The following KDM2A variants were observed in gnomAD, a reference collection of about 807,000 sequenced individuals.
KDM2A encodes lysine-specific demethylase 2A.
A neutral mutation model predicts 137.3 loss-of-function variants in KDM2A; 3 were observed. The observed-to-expected ratio is 0.02, with a 90% confidence interval of 0.01 to 0.06. The LOEUF is 0.06. Among genes scored for constraint, KDM2A ranks in the 10% least tolerant of loss-of-function variants. The probability of loss-of-function intolerance (pLI) is 1.00; values close to 1 mark genes in which losing one functional copy is unlikely to be tolerated. For missense variants in KDM2A, 738 were observed against 1,510.6 expected, an observed-to-expected ratio of 0.49 and a Z score of 8.48; for synonymous variants, 512 against 541.5, an observed-to-expected ratio of 0.95 and a Z score of 0.76.
Position 67,215,339 on chromosome 11 carries a change from G to T in KDM2A, c.487-1G>T. ...CAAGTGTTTCCTCCTTCTATTTAAA[G>T]GTGGATTTCATTGACTGGGTAGACA... On this transcript the variant is annotated splice_acceptor_variant, in intron 6 of 20. Transcript: ENST00000529006. LOFTEE classifies it high-confidence loss of function. 1 of 1,607,504 alleles carries T rather than the reference G, an allele frequency of 6.2e-7. No homozygotes were observed. Among genetic ancestry groups the T allele is most frequent in the Non-Finnish European group, 8.5e-7 (1 of 1,174,592 alleles).
In KDM2A at chr11:67,206,936, C is replaced by CT. The variant is rs1857822680; in HGVS notation, c.308-571dup. On this transcript the variant is annotated intron_variant, in intron 5 of 20. Transcript: ENST00000529006. ...ATTTGTGGAATAAATGAAAAGGGGA[C>CT]TTTGTTCTTCATGAACTAGGATAAT... Among the ~76,000 whole-genome samples, 3 of 152,250 alleles carry CT rather than the reference C, an allele frequency of 2.0e-5. No homozygotes were observed. The East Asian group carries it at 5.8e-4, about 29-fold the overall frequency.
chr11:67,219,602 T>C, intron 10 of KDM2A, 199 bp downstream of exon 10: 1 of 313,210 alleles, frequency 3.2e-6, no homozygotes, highest in Non-Finnish European at 6.0e-6. Flanking sequence ...TTTTCCAGGC[T>C]AGAGTGCAGT....
chr11:67,122,820 C>T (rs1301457625), intron 2 of KDM2A, among the ~76,000 whole-genome samples: 12 of 151,842 alleles, frequency 7.9e-5, no homozygotes, highest in African/African-American at 2.9e-4. Flanking sequence ...GGACTATCGG[C>T]GCCCACCACT....
intron 6 of KDM2A, among the ~76,000 whole-genome samples, chr11:67,210,913 G>A (rs1857957952): frequency 4.6e-5 from 7 of 152,046 alleles, no homozygotes; most frequent in Admixed American, 4.6e-4. Flanking sequence ...AGGCCAAGGT[G>A]GGCGTATCAC....
At chr11:67,197,084 A>G (rs1857501410) in intron 5 of KDM2A, 1 of 152,398 alleles carries the variant, frequency 6.6e-6, no homozygotes, top group Non-Finnish European at 1.5e-5. Context: ...GTATTTTCTA[A>G]ATAAACCCAA....
intron 6 of KDM2A, 31 bp downstream of exon 6, chr11:67,207,719 T>C: frequency 6.5e-7 from 1 of 1,534,322 alleles, no homozygotes; most frequent in Non-Finnish European, 8.9e-7. Context: ...CATATTGTCA[T>C]TGTCACCAAA....
intron 6 of KDM2A, among the ~76,000 whole-genome samples, chr11:67,208,205 TAAATTTTAAAATTTTAAAATTTATTA>T (rs1857870595): frequency 6.6e-6 from 1 of 151,560 alleles, no homozygotes; most frequent in Non-Finnish European, 1.5e-5. Context: ...GAAATCATAA[TAAATTTTAAAATTTTAAAATTTATTA>T]TTATTAAAAA....
Position 67,243,099 on chromosome 11 carries a change from A to G in KDM2A, c.1563+7A>G. ...GTGGCCAAAAAGGGATAAGGTAAGAAACTATTTTCCTTGATCTTTAGGCTG... is the reference window on the plus strand; with the variant it reads ...GTGGCCAAAAAGGGATAAGGTAAGAGACTATTTTCCTTGATCTTTAGGCTG... On this transcript the variant is annotated splice_region_variant and intron_variant, in intron 13 of 20. Transcript: ENST00000529006. 6.2e-7 allele frequency: 1 copy of G among 1,601,658 alleles called. No individual in the cohort carries two copies. The highest frequency in any genetic ancestry group is 1.1e-5 in the South Asian group (1 of 90,816).
At chr11:67,215,774 T>C (rs572927461) in intron 7 of KDM2A, 82 bp from the exon 8 acceptor site, 1 of 979,374 alleles carries the variant, frequency 1.0e-6, no homozygotes, top group South Asian at 1.3e-5. Flanking sequence ...AGGGAGTATA[T>C]AAGAGGAGAG....
intron 15 of KDM2A, among the ~76,000 whole-genome samples, chr11:67,247,029 A>G (rs1440464026): frequency 3.3e-4 from 33 of 100,510 alleles, no homozygotes; most frequent in Non-Finnish European, 5.7e-4. Flanking sequence ...TTAATGTTAT[A>G]AATTATTTTA....
At chr11:67,252,926 T>A in intron 18 of KDM2A, 69 bp downstream of exon 18, 1 of 1,502,544 alleles carries the variant, frequency 6.7e-7, no homozygotes, top group Non-Finnish European at 9.0e-7. Context: ...GTTGCATTAT[T>A]GGCAGTGCTT....
In KDM2A at chr11:67,181,903, A is replaced by G; in HGVS notation, c.307+11A>G. On this transcript the variant is annotated intron_variant, in intron 5 of 20. Coordinates refer to ENST00000529006, the MANE Select transcript of KDM2A (RefSeq NM_012308.3). ...TCAAAATGTGTGTGGGTAAGTGTCGAGCTTTTGGCCTCTGTCTTTAAGGCA... is the reference window on the plus strand; with the variant it reads ...TCAAAATGTGTGTGGGTAAGTGTCGGGCTTTTGGCCTCTGTCTTTAAGGCA... 1.2e-6 allele frequency: 2 copies of G among 1,613,358 alleles called. No individual in the cohort carries two copies. Among genetic ancestry groups the G allele is most frequent in the South Asian group, 2.2e-5 (2 of 91,070 alleles).
intron 12 of KDM2A, among the ~76,000 whole-genome samples, chr11:67,237,260 G>A (rs1858898670): frequency 6.6e-6 from 1 of 152,028 alleles, no homozygotes; most frequent in Admixed American, 6.6e-5. Flanking sequence ...CCCATCCCAG[G>A]AGTATGATGA....
Position 67,217,843 on chromosome 11 carries a change from G to T in KDM2A, c.800G>T (p.Arg267Leu). The T allele has an allele frequency of 6.2e-7, 1 of 1,612,988 alleles. No homozygotes were observed. Among genetic ancestry groups the T allele is most frequent in the Non-Finnish European group, 8.5e-7 (1 of 1,179,494 alleles). ...FLGDRVSDCQ[R>L]IELKQGYTFV... ...GGTGACCGGGTATCAGATTGTCAGC[G>T]CATTGAGCTCAAGCAGGGCTATACC... The change falls in exon 9 of 21, where the codon CGC becomes CTC. Residue 267 changes from arginine (R) to leucine (L), a missense_variant. Physicochemically the swap from Arg to Leu is moderately radical, Grantham distance 102. Coordinates refer to ENST00000529006, the MANE Select transcript of KDM2A (RefSeq NM_012308.3).
chr11:67,142,273 G>A (rs1383684373), intron 2 of KDM2A, among the ~76,000 whole-genome samples: 1 of 151,686 alleles, frequency 6.6e-6, no homozygotes, highest in African/African-American at 2.4e-5. Context: ...TTGACCTCAG[G>A]TGATCCACCC....
intron 5 of KDM2A, chr11:67,195,545 C>T: frequency 6.5e-6 from 1 of 153,376 alleles, no homozygotes; most frequent in South Asian, 2.0e-4. Flanking sequence ...AGCTCTGTTA[C>T]TATAAAGAAA....
chr11:67,157,038 G>T (rs994562727), intron 2 of KDM2A, among the ~76,000 whole-genome samples: 1 of 152,246 alleles, frequency 6.6e-6, no homozygotes, highest in South Asian at 2.1e-4. Context: ...AATTGGCTGG[G>T]CACGGTGGCT....
Position 67,217,679 on chromosome 11 carries a change from C to T in KDM2A, c.688-52C>T, listed in dbSNP as rs1167789650. ...GTACCTGTTTATCAGTTGAGGGAGACGACTGGGTCATGTCAATGGCTGTTA... is the reference window on the plus strand; with the variant it reads ...GTACCTGTTTATCAGTTGAGGGAGATGACTGGGTCATGTCAATGGCTGTTA... On this transcript the variant is annotated intron_variant, in intron 8 of 20. Coordinates refer to ENST00000529006, the MANE Select transcript of KDM2A (RefSeq NM_012308.3). 1.5e-5 allele frequency: 23 copies of T among 1,581,866 alleles called. No individual in the cohort carries two copies. In the Admixed American group the frequency reaches 1.7e-4, roughly 12 times the overall value.
rs1019027793 is a variant in KDM2A, at chr11:67,256,362, A to AG, written c.*1308dup. On this transcript the variant is annotated 3_prime_UTR_variant, in exon 21 of 21. Transcript: ENST00000529006. ...AGCTTTTTGCACTTTAAAAAAAAAA[A>AG]GAAAGAAAGAAAGGTCGGAATTTCT... The AG allele has an allele frequency of 1.3e-5, 2 of 151,980 alleles. No homozygotes were observed. The highest frequency in any genetic ancestry group is 4.9e-5 in the African/African-American group (2 of 41,086). The allele number at this position is 151,980 out of a possible 1,614,324, so 9.4% of individuals were successfully genotyped here. A position where few individuals can be genotyped will look rare whatever the true frequency, so the allele number is the denominator to read the frequency against.
Sources: gnomAD v4.1 joint callset for allele counts (sites outside exome capture counted in the v4.1 genomes callset) on GRCh38, gnomAD v4.1.1 for gene constraint, MANE v1.5 for transcripts, NCBI Gene and HGNC (gene_info 2026-07-23, HGNC 2026-07-21) for gene names.